The following COLQ variants were observed in gnomAD, a reference collection of about 807,000 sequenced individuals.
The protein encoded by COLQ is acetylcholinesterase collagenic tail peptide.
In COLQ, 48 loss-of-function variants were observed where a neutral mutation model predicts 69.0. The observed-to-expected ratio is 0.70, with a 90% CI of 0.55 to 0.88. The LOEUF (loss-of-function observed/expected upper bound fraction) is 0.88, where lower values mean the gene tolerates loss of function less well. Ranked by LOEUF, COLQ falls within the 40% of genes least tolerant of loss-of-function variation. The pLI, the probability that COLQ is intolerant of heterozygous loss-of-function variation, is 0.00. For missense variants in COLQ, 618 were observed against 594.6 expected (o/e 1.04, Z -0.41); for synonymous variants, 217 against 211.2 (o/e 1.03, Z -0.24).
At chr3:15,486,981 T>C (rs943907279) in intron 3 of COLQ, among the ~76,000 whole-genome samples, 4 of 152,228 alleles carry the variant, frequency 2.6e-5, no homozygotes, top group Non-Finnish European at 4.4e-5. Flanking sequence ...GATGTTTTAT[T>C]GAAACTTTGC....
intron 4 of COLQ, 29 bp from the exon 5 acceptor site, chr3:15,479,032 G>A (rs376638104): frequency 9.9e-6 from 16 of 1,614,114 alleles, no homozygotes; most frequent in Non-Finnish European, 1.3e-5. Flanking sequence ...GGTAAGGAGA[G>A]GCTGCTTTGG....
At chr3:15,458,062 T>C in intron 13 of COLQ, 124 bp downstream of exon 13, 2 of 1,015,490 alleles carry the variant, frequency 2.0e-6, no homozygotes, top group South Asian at 2.7e-5. Context: ...TTTCCTATAA[T>C]GAGGGTGTAC....
At chr3:15,458,445 G>T in intron 12 of COLQ, 120 bp from the exon 13 acceptor site, 3 of 1,089,224 alleles carry the variant, frequency 2.8e-6, no homozygotes, top group Non-Finnish European at 2.8e-6. Flanking sequence ...TTCAGGGTAT[G>T]CCTGAGGGAG....
intron 1 of COLQ, among the ~76,000 whole-genome samples, chr3:15,493,455 C>T (rs545981943): frequency 2.0e-5 from 3 of 152,392 alleles, no homozygotes; most frequent in Admixed American, 1.3e-4. Context: ...CCCATCTCCC[C>T]TTTTATGCTT....
At chr3:15,502,884 T>C (rs2062851816) in intron 1 of COLQ, among the ~76,000 whole-genome samples, 1 of 152,336 alleles carries the variant, frequency 6.6e-6, no homozygotes, top group East Asian at 1.9e-4. Flanking sequence ...GAAACGACGA[T>C]GACCCATGCT....
chr3:15,474,048 C>A lies in COLQ; in HGVS notation c.601-13G>T. The stretch of plus-strand genomic sequence containing the variant: ...ATCCTGGGAAACCCTGTGAAAAGAG[C>A]AACAAATAATTGTGATCACCTCTGA... On this transcript the variant is annotated splice_polypyrimidine_tract_variant and intron_variant, in intron 9 of 16. Coordinates refer to ENST00000383788, the MANE Select transcript of COLQ (RefSeq NM_005677.4). The A allele has an allele frequency of 6.2e-7, 1 of 1,614,112 alleles. No individual in the cohort carries two copies. The highest frequency in any genetic ancestry group is 8.5e-7 in the Non-Finnish European group (1 of 1,180,002).
rs755892125 is a variant in COLQ at position 15,489,578 on chromosome 3, G to A, written c.166C>T (p.Pro56Ser). The change falls in exon 2 of 17, where the codon CCT becomes TCT. Residue 56 changes from proline to serine, a missense_variant. Coordinates refer to ENST00000383788, the MANE Select transcript of COLQ (RefSeq NM_005677.4). Reference protein sequence around the residue: ...GGHKACCLLTPPPPPLFPPPF... With the variant: ...GGHKACCLLTSPPPPLFPPPF... ...GGTGGGAACAGTGGTGGTGGAGGAGGCGTCAGCAGGCAGCATGCTTTGTGG... is the reference window on the plus strand; with the variant it reads ...GGTGGGAACAGTGGTGGTGGAGGAGACGTCAGCAGGCAGCATGCTTTGTGG... The A allele has an allele frequency of 6.2e-6, 10 of 1,614,106 alleles. No individual in the cohort carries two copies. The highest frequency in any genetic ancestry group is 4.0e-5 in the African/African-American group (3 of 74,924).
At chr3:15,453,216 G>C (rs990950472) in intron 16 of COLQ, among the ~76,000 whole-genome samples, 10 of 152,234 alleles carry the variant, frequency 6.6e-5, no homozygotes, top group African/African-American at 2.4e-4. Context: ...AGGCGCCAGT[G>C]TGGAGCCAGG....
At chr3:15,496,624 T>C (rs565647475) in intron 1 of COLQ, among the ~76,000 whole-genome samples, 8 of 152,378 alleles carry the variant, frequency 5.3e-5, no homozygotes, top group African/African-American at 1.9e-4. Flanking sequence ...GGCAGCTGCC[T>C]TGGAAATGCC....
intron 3 of COLQ, among the ~76,000 whole-genome samples, chr3:15,484,581 A>G (rs991106390): frequency 1.9e-4 from 29 of 152,312 alleles, no homozygotes; most frequent in African/African-American, 6.5e-4. Flanking sequence ...GTCTTTTCAC[A>G]TAGTCCCATA....
intron 8 of COLQ, 111 bp downstream of exon 8, chr3:15,474,814 G>A: frequency 8.1e-7 from 1 of 1,241,504 alleles, no homozygotes; most frequent in East Asian, 2.3e-5. Context: ...TAGGGATGGT[G>A]GCTTCAGTTG....
chr3:15,498,829 G>A, intron 1 of COLQ: 1 of 1,432,458 alleles, frequency 7.0e-7, no homozygotes. Context: ...CTGCTGTAGG[G>A]GAGGCTTGGA....
intron 3 of COLQ, among the ~76,000 whole-genome samples, chr3:15,487,251 A>G (rs1193419305): frequency 6.6e-6 from 1 of 152,206 alleles, no homozygotes; most frequent in African/African-American, 2.4e-5. Context: ...TGAGTGGCCA[A>G]CAGGAGCTGG....
chr3:15,503,549 T>G (rs555226949), intron 1 of COLQ, among the ~76,000 whole-genome samples: 1 of 152,256 alleles, frequency 6.6e-6, no homozygotes, highest in African/African-American at 2.4e-5. Flanking sequence ...GCCACTAAAA[T>G]GCTCACCTGT....
intron 1 of COLQ, among the ~76,000 whole-genome samples, chr3:15,511,587 T>C (rs769728112): frequency 6.6e-6 from 1 of 152,182 alleles, no homozygotes; most frequent in African/African-American, 2.4e-5. Flanking sequence ...TGCTGCTCTC[T>C]AGAGACAGGG....
intron 1 of COLQ, 130 bp from the exon 2 acceptor site, chr3:15,489,767 G>A (rs897829677): frequency 2.6e-6 from 2 of 763,040 alleles, no homozygotes; most frequent in Admixed American, 2.0e-5. Context: ...GTTAGATGTG[G>A]ATAGGCCTCC....
chr3:15,509,659 C>T (rs1211652053), intron 1 of COLQ, among the ~76,000 whole-genome samples: 1 of 152,252 alleles, frequency 6.6e-6, no homozygotes, highest in African/African-American at 2.4e-5. Flanking sequence ...CTGGGCCCTT[C>T]CCAGGCTCTC....
chr3:15,498,484 C>CAT, intron 1 of COLQ: 1 of 1,545,506 alleles, frequency 6.5e-7, no homozygotes, highest in Non-Finnish European at 8.8e-7. Flanking sequence ...CACACACACA[C>CAT]ACGTGCACAC....
chr3:15,461,258 C>T lies in COLQ; in HGVS notation c.815-2933G>A, dbSNP rs141468551. ...AGTACAAAGCTCTCACCCTTTCCAC[C>T]TCCCCCAGCACCATCTGGTCCCACA... On this transcript the variant is annotated intron_variant, in intron 12 of 16. Transcript: ENST00000383788. Among the ~76,000 whole-genome samples, 229 of 151,638 alleles carry T rather than the reference C, an allele frequency of 1.5e-3. 6 individuals carry two copies. In the East Asian group the frequency reaches 0.035, roughly 23 times the overall value.
Sources: gnomAD v4.1 joint callset for allele counts (sites outside exome capture counted in the v4.1 genomes callset) on GRCh38, gnomAD v4.1.1 for gene constraint, MANE v1.5 for transcripts, NCBI Gene and HGNC (gene_info 2026-07-23, HGNC 2026-07-21) for gene names.